The following IL6R variants were observed in gnomAD, a reference collection of about 807,000 sequenced individuals.
IL6R encodes the protein interleukin 6 receptor.
A neutral mutation model predicts 48.3 loss-of-function variants in IL6R; 38 were observed. That is an observed-to-expected ratio of 0.79 (90% CI 0.61 to 1.03). The LOEUF is 1.03. Among genes scored for constraint, IL6R ranks in the 50% least tolerant of loss-of-function variants. The probability of loss-of-function intolerance (pLI) is 0.00; values close to 1 mark genes in which losing one functional copy is unlikely to be tolerated. For missense variants in IL6R, 534 were observed against 618.3 expected (o/e 0.86, Z 1.45); for synonymous variants, 264 against 256.2 (o/e 1.03, Z -0.29).
At chr1:154,461,907 G>A (rs916856273) in intron 9 of IL6R, among the ~76,000 whole-genome samples, 5 of 152,114 alleles carry the variant, frequency 3.3e-5, no homozygotes, top group Admixed American at 6.5e-5. Flanking sequence ...TGCCAATCCC[G>A]TTCCTCTGTG....
At chr1:154,414,596 A>G (rs925492525) in intron 1 of IL6R, 2 of 759,434 alleles carry the variant, frequency 2.6e-6, no homozygotes, top group Non-Finnish European at 4.6e-6. Context: ...TTCTTGATGC[A>G]CCCGGCCATC....
intron 1 of IL6R, among the ~76,000 whole-genome samples, chr1:154,421,418 G>T (rs1439531158): frequency 6.6e-6 from 1 of 152,166 alleles, no homozygotes; most frequent in Admixed American, 6.5e-5. Context: ...GCACAGGATG[G>T]CCTCCAACCT....
At chr1:154,428,417 C>T (rs73014271) in intron 1 of IL6R, among the ~76,000 whole-genome samples, 4,270 of 152,298 alleles carry the variant, frequency 0.028, 132 homozygotes, top group African/African-American at 0.075. Flanking sequence ...TCCTCTGTGC[C>T]TCAGTTACCA....
intron 6 of IL6R, among the ~76,000 whole-genome samples, chr1:154,441,626 A>T (rs914888192): frequency 2.6e-5 from 4 of 152,138 alleles, no homozygotes; most frequent in African/African-American, 4.8e-5. Flanking sequence ...AGGTTAGAGC[A>T]CTAGGTGAGG....
At chr1:154,454,157 A>ATCATT in intron 8 of IL6R, 1 of 346,494 alleles carries the variant, frequency 2.9e-6, no homozygotes, top group South Asian at 3.5e-5. Flanking sequence ...TGTCACCAGA[A>ATCATT]AAGCCACTCT....
At chr1:154,449,011 A>G (rs988895219) in intron 7 of IL6R, among the ~76,000 whole-genome samples, 12 of 145,660 alleles carry the variant, frequency 8.2e-5, no homozygotes, top group Non-Finnish European at 1.0e-4. Flanking sequence ...CTCCTGCCTC[A>G]GCCTCCCGAG....
At chr1:154,407,346 G>A (rs1304467789) in intron 1 of IL6R, among the ~76,000 whole-genome samples, 1 of 152,230 alleles carries the variant, frequency 6.6e-6, no homozygotes, top group Admixed American at 6.5e-5. Context: ...CTCCTGAGTG[G>A]ATGCTAGGCC....
chr1:154,405,419 C>G lies in IL6R; in HGVS notation c.-211C>G, dbSNP rs573580413. 1.9e-6 allele frequency: 1 copy of G among 531,836 alleles called. No individual in the cohort carries two copies. The highest frequency in any genetic ancestry group is 3.3e-6 in the Non-Finnish European group (1 of 304,908). 32.9% of individuals were successfully genotyped at this position (531,836 alleles called of 1,614,324 possible). On this transcript the variant is annotated 5_prime_UTR_variant, in exon 1 of 10. Coordinates refer to ENST00000368485, the MANE Select transcript of IL6R (RefSeq NM_000565.4). This position sits in a 1 kb window ranked among gnomAD's most constrained non-coding sequence, Gnocchi z 5.2. ...GTGGGAAGTCGCACTGACACTGAGC[C>G]GGGCCAGAGGGAGAGGAGCCGAGCG...
At chr1:154,406,744 A>G (rs1687743244) in intron 1 of IL6R, among the ~76,000 whole-genome samples, 2 of 152,178 alleles carry the variant, frequency 1.3e-5, no homozygotes, top group Non-Finnish European at 2.9e-5. Flanking sequence ...TTCTGCAACT[A>G]GAGGCTGAGC....
intron 1 of IL6R, among the ~76,000 whole-genome samples, chr1:154,409,800 T>C (rs950993508): frequency 6.6e-5 from 10 of 152,128 alleles, no homozygotes; most frequent in African/African-American, 2.4e-4. Context: ...AAATTAAGTA[T>C]GTGGTATGCT....
At chr1:154,437,600 C>T in intron 6 of IL6R, 1 of 355,180 alleles carries the variant, frequency 2.8e-6, no homozygotes, top group Non-Finnish European at 5.9e-6. Flanking sequence ...TTTGTAGAGA[C>T]AGGGTTTCAC....
At chr1:154,409,004 G>A (rs73026636) in intron 1 of IL6R, among the ~76,000 whole-genome samples, 8 of 152,172 alleles carry the variant, frequency 5.3e-5, no homozygotes, top group African/African-American at 1.9e-4. Context: ...AAAATTAGCT[G>A]GGCACAGTGA....
At chr1:154,413,305 G>C (rs1388719553) in intron 1 of IL6R, among the ~76,000 whole-genome samples, 1 of 152,198 alleles carries the variant, frequency 6.6e-6, no homozygotes, top group African/African-American at 2.4e-5. Context: ...CGGCCACCCG[G>C]TTACCTTTTG....
chr1:154,406,010 A>G (rs569442865), intron 1 of IL6R, among the ~76,000 whole-genome samples: 8 of 152,134 alleles, frequency 5.3e-5, no homozygotes, highest in Non-Finnish European at 7.4e-5. Flanking sequence ...CTGACTCTCG[A>G]GCTTCCTTCC....
intron 8 of IL6R, among the ~76,000 whole-genome samples, chr1:154,451,440 C>A (rs1432983468): frequency 6.6e-6 from 1 of 151,866 alleles, no homozygotes; most frequent in Non-Finnish European, 1.5e-5. Context: ...ATCACTTGAA[C>A]CTGGGAGGCA....
chr1:154,451,251 C>A (rs960607855), intron 8 of IL6R, among the ~76,000 whole-genome samples: 11 of 152,178 alleles, frequency 7.2e-5, no homozygotes, highest in Non-Finnish European at 1.5e-4. Context: ...GGCGCGGTGG[C>A]TTACGCCTGT....
chr1:154,405,483 C>T lies in IL6R; in HGVS notation c.-147C>T. 4.4e-6 allele frequency: 3 copies of T among 685,362 alleles called. No individual in the cohort carries two copies. Among genetic ancestry groups the T allele is most frequent in the African/African-American group, 1.9e-5 (1 of 52,022 alleles). 42.5% of individuals were successfully genotyped at this position (685,362 alleles called of 1,614,324 possible). The stretch of plus-strand genomic sequence containing the variant: ...AGGGACTCGCAGTGTGTGTAGAGAG[C>T]CGGGCTCCTGCGGATGGGGGCTGCC... On this transcript the variant is annotated 5_prime_UTR_variant, in exon 1 of 10. Coordinates refer to ENST00000368485, the MANE Select transcript of IL6R (RefSeq NM_000565.4). The surrounding 1 kb of genome is among the most constrained non-coding windows in gnomAD (Gnocchi z 5.2).
At chr1:154,421,525 G>A (rs1688662383) in intron 1 of IL6R, among the ~76,000 whole-genome samples, 1 of 152,198 alleles carries the variant, frequency 6.6e-6, no homozygotes, top group Admixed American at 6.5e-5. Flanking sequence ...TGATCTCTTT[G>A]AGGGTGCTCA....
At chr1:154,432,195 C>T (rs1689330196) in intron 3 of IL6R, among the ~76,000 whole-genome samples, 1 of 152,144 alleles carries the variant, frequency 6.6e-6, no homozygotes, top group African/African-American at 2.4e-5. Flanking sequence ...TCAGCTCATG[C>T]CCCAAGCCTG....
Sources: gnomAD v4.1 joint callset for allele counts (sites outside exome capture counted in the v4.1 genomes callset) on GRCh38, gnomAD v4.1.1 for gene constraint, Gnocchi (gnomAD v3.1) non-coding constraint, MANE v1.5 for transcripts, NCBI Gene and HGNC (gene_info 2026-07-23, HGNC 2026-07-21) for gene names.